The following ARSB variants were observed in gnomAD, a reference collection of about 807,000 sequenced individuals.
The protein encoded by ARSB is N-acetylgalactosamine-4-sulfatase.
In ARSB, 41 loss-of-function variants were observed where a neutral mutation model predicts 50.9. The observed-to-expected ratio is 0.81, with a 90% confidence interval of 0.63 to 1.04. ARSB has a LOEUF of 1.04. Ranked by LOEUF, ARSB falls within the 50% of genes least tolerant of loss-of-function variation. The probability of loss-of-function intolerance (pLI) is 0.00; values close to 1 mark genes in which losing one functional copy is unlikely to be tolerated. For missense variants in ARSB, 672 were observed against 693.3 expected (o/e 0.97, Z 0.35); for synonymous variants, 269 against 284.8 (o/e 0.94, Z 0.56).
At chr5:78,850,001 C>G (rs1296870057) in intron 5 of ARSB, among the ~76,000 whole-genome samples, 16 of 151,654 alleles carry the variant, frequency 1.1e-4, no homozygotes, top group Non-Finnish European at 1.8e-4. Flanking sequence ...ATCATGTCAT[C>G]TGCAAACAGG....
intron 5 of ARSB, among the ~76,000 whole-genome samples, chr5:78,852,842 AT>A (rs1202264777): frequency 1.3e-5 from 2 of 152,064 alleles, no homozygotes; most frequent in Non-Finnish European, 2.9e-5. Flanking sequence ...CTTCCAGTTG[AT>A]TGCATCAGCT....
chr5:78,783,522 T>A (rs767413607), intron 6 of ARSB: 2 of 152,166 alleles, frequency 1.3e-5, no homozygotes, highest in East Asian at 3.9e-4. Flanking sequence ...AGGAAAATAT[T>A]TTTGACTTCT....
intron 4 of ARSB, among the ~76,000 whole-genome samples, chr5:78,954,731 C>T (rs1169651578): frequency 2.0e-5 from 3 of 152,200 alleles, no homozygotes; most frequent in Admixed American, 6.5e-5. Context: ...TCTCGAACTC[C>T]TGACCTCAGT....
At chr5:78,808,576 C>T (rs941075923) in intron 6 of ARSB, among the ~76,000 whole-genome samples, 1 of 152,168 alleles carries the variant, frequency 6.6e-6, no homozygotes, top group African/African-American at 2.4e-5. Flanking sequence ...GCTCAGCATG[C>T]TCTCCGGGCA....
At chr5:78,965,691 T>G (rs897231617) in intron 2 of ARSB, among the ~76,000 whole-genome samples, 1 of 152,220 alleles carries the variant, frequency 6.6e-6, no homozygotes, top group Non-Finnish European at 1.5e-5. Context: ...TCTCCTGACA[T>G]ATACTGCTTA....
At chr5:78,956,978 G>T (rs563302163) in intron 3 of ARSB, among the ~76,000 whole-genome samples, 2 of 145,422 alleles carry the variant, frequency 1.4e-5, no homozygotes, top group Non-Finnish European at 3.0e-5. Flanking sequence ...GTTAGTCTTT[G>T]ATGCAGGACC....
At chr5:78,962,525 T>A (rs1752034326) in intron 3 of ARSB, among the ~76,000 whole-genome samples, 1 of 10,674 alleles carries the variant, frequency 9.4e-5, no homozygotes. Context: ...ATGTGCTCGA[T>A]TTTTTTTTTT....
At chr5:78,810,572 C>T (rs952810270) in intron 6 of ARSB, among the ~76,000 whole-genome samples, 1 of 152,222 alleles carries the variant, frequency 6.6e-6, no homozygotes, top group African/African-American at 2.4e-5. Context: ...CTGGGGGACA[C>T]ACCACACGGT....
chr5:78,957,398 C>T (rs1247869611), intron 3 of ARSB, among the ~76,000 whole-genome samples: 1 of 152,062 alleles, frequency 6.6e-6, no homozygotes, highest in African/African-American at 2.4e-5. Flanking sequence ...AAATAGACCC[C>T]CCAAAAGTTT....
At chr5:78,895,236 A>G (rs1748514999) in intron 4 of ARSB, among the ~76,000 whole-genome samples, 1 of 152,238 alleles carries the variant, frequency 6.6e-6, no homozygotes, top group African/African-American at 2.4e-5. Flanking sequence ...ATACTGCTGG[A>G]CATAATCTTT....
intron 6 of ARSB, among the ~76,000 whole-genome samples, chr5:78,823,611 T>C (rs746627798): frequency 2.0e-5 from 3 of 152,228 alleles, no homozygotes; most frequent in Non-Finnish European, 4.4e-5. Context: ...GGGTGGTAGA[T>C]ACTGAGCTCC....
rs569319638 is a variant in ARSB at position 78,873,819 on chromosome 5, T to A, written c.1142+11765A>T. 5.1e-4 allele frequency among the ~76,000 whole-genome samples: 78 copies of A among 152,296 alleles called. No homozygotes were observed. The South Asian group carries it at 9.8e-3, about 19-fold the overall frequency. ...CTAAAACTGTAATTTTTAAAAACTCTGAAATAAAAGAAGATCTGAATATAC... is the reference window on the plus strand; with the variant it reads ...CTAAAACTGTAATTTTTAAAAACTCAGAAATAAAAGAAGATCTGAATATAC... On this transcript the variant is annotated intron_variant, in intron 5 of 7. Transcript: ENST00000264914.
intron 6 of ARSB, chr5:78,815,890 C>T (rs1743965540): frequency 7.0e-6 from 10 of 1,427,486 alleles, no homozygotes; most frequent in Non-Finnish European, 9.1e-6. Flanking sequence ...TATGGTTGAT[C>T]TAAGTAAGAC....
chr5:78,906,792 G>T (rs1261848147), intron 4 of ARSB, among the ~76,000 whole-genome samples: 2 of 152,182 alleles, frequency 1.3e-5, no homozygotes, highest in Admixed American at 6.5e-5. Context: ...CTCCATCCTG[G>T]TGAGCACGGG....
At chr5:78,849,570 A>T (rs1412197216) in intron 5 of ARSB, among the ~76,000 whole-genome samples, 1 of 151,664 alleles carries the variant, frequency 6.6e-6, no homozygotes, top group Non-Finnish European at 1.5e-5. Flanking sequence ...GTTCCATATG[A>T]ACTTTAGTTT....
At chr5:78,911,840 T>C (rs980067216) in intron 4 of ARSB, among the ~76,000 whole-genome samples, 2 of 152,168 alleles carry the variant, frequency 1.3e-5, no homozygotes, top group African/African-American at 2.4e-5. Context: ...TTAAATGATA[T>C]GCAAGAGGCT....
intron 4 of ARSB, among the ~76,000 whole-genome samples, chr5:78,892,004 G>A (rs1458807865): frequency 2.0e-5 from 3 of 152,068 alleles, no homozygotes; most frequent in East Asian, 1.9e-4. Context: ...TTTGAGAAAT[G>A]AGGATAACAA....
intron 1 of ARSB, among the ~76,000 whole-genome samples, chr5:78,975,267 C>T (rs865924629): frequency 6.6e-6 from 1 of 152,240 alleles, no homozygotes; most frequent in Admixed American, 6.5e-5. Context: ...TCAGGCAGAG[C>T]GCCTGCACCA....
At chr5:78,912,884 G>A (rs1749370016) in intron 4 of ARSB, among the ~76,000 whole-genome samples, 2 of 152,122 alleles carry the variant, frequency 1.3e-5, no homozygotes, top group African/African-American at 4.8e-5. Flanking sequence ...CAGCTTTGCT[G>A]AAAGAATATT....
Sources: allele counts gnomAD v4.1 joint callset (sites outside exome capture counted in the v4.1 genomes callset), GRCh38; gene constraint gnomAD v4.1.1; transcripts MANE v1.5; gene names NCBI Gene and HGNC (gene_info 2026-07-23, HGNC 2026-07-21).